The following LDB3 variants were observed in gnomAD, a reference collection of about 807,000 sequenced individuals.
LDB3 encodes the protein LIM domain binding 3.
Under a neutral mutation model 69.0 loss-of-function variants are expected in LDB3, and 49 were observed. The observed-to-expected ratio is 0.71, with a 90% CI of 0.56 to 0.90. The LOEUF (loss-of-function observed/expected upper bound fraction) is 0.90, where lower values mean the gene tolerates loss of function less well. LDB3 is among the 40% of genes least tolerant of loss of function. The pLI is 0.00. For missense variants in LDB3, 928 were observed against 974.1 expected, an observed-to-expected ratio of 0.95 and a Z score of 0.63; for synonymous variants, 387 against 396.2, an observed-to-expected ratio of 0.98 and a Z score of 0.28.
Position 86,692,591 on chromosome 10 carries a change from C to G in LDB3, c.896+20C>G, listed in dbSNP as rs773021816. 1 of 1,612,816 alleles carries G rather than the reference C, an allele frequency of 6.2e-7. No homozygotes were observed. The highest frequency in any genetic ancestry group is 1.1e-5 in the South Asian group (1 of 91,060). On this transcript the variant is annotated intron_variant, in intron 7 of 13. Coordinates refer to ENST00000361373, the MANE Select transcript of LDB3 (RefSeq NM_007078.3). ...GTCAAGGTAAGTGCCTGGACTCAGG[C>G]TCTGTGGCCTTGCCCTCTAGCCCCG...
chr10:86,726,289 G>T lies in LDB3; in HGVS notation c.2094+37G>T, dbSNP rs1181077200. ...GCTTGGGGCTCTGGCTTTCTGAGAA[G>T]AGGCAGGAGGGAGGAAGTGGGAGCC... is the stretch of plus-strand genomic sequence containing the variant. On this transcript the variant is annotated intron_variant, in intron 13 of 13. Coordinates refer to ENST00000361373, the MANE Select transcript of LDB3 (RefSeq NM_007078.3). The T allele has an allele frequency of 3.2e-6, 5 of 1,558,368 alleles. No individual in the cohort carries two copies. The Admixed American group carries it at 5.0e-5, about 16-fold the overall frequency.
At position 86,697,215 on chromosome 10, in the gene LDB3, CTTTTTTTT is replaced by C. The variant is rs34215720; in HGVS notation, c.896+4661_896+4668del. Among the ~76,000 whole-genome samples the C allele has an allele frequency of 6.4e-5, 5 of 77,804 alleles. No individual in the cohort carries two copies. In the East Asian group the frequency reaches 1.3e-3, roughly 20 times the overall value. The allele number at this position is 77,804 out of a possible 152,430, so 51.0% of individuals were successfully genotyped here. ...CTGATTTTTATATGCTAGCAATTCA[CTTTTTTTT>C]TTTTTTTTTTTTTTTTGAGACAGAG... On this transcript the variant is annotated intron_variant, in intron 7 of 13. Transcript: ENST00000361373.
chr10:86,697,215 CTTTTTTTTTT>C (rs34215720), intron 7 of LDB3, among the ~76,000 whole-genome samples: 5 of 77,782 alleles, frequency 6.4e-5, no homozygotes, highest in African/African-American at 2.6e-4. Context: ...TAGCAATTCA[CTTTTTTTTTT>C]TTTTTTTTTT....
At position 86,735,569 on chromosome 10, in the gene LDB3, C is replaced by G. The variant is rs548357744; in HGVS notation, c.*2593C>G. The stretch of plus-strand genomic sequence containing the variant: ...CCGAGGCAGGTGAATCACCTGAGGT[C>G]AGGAGTTTGAAACCAGCCTGGCCAA... On this transcript the variant is annotated 3_prime_UTR_variant, in exon 14 of 14. Transcript: ENST00000361373. The G allele has an allele frequency of 7.2e-5, 11 of 152,146 alleles. No homozygotes were observed. Among genetic ancestry groups the G allele is most frequent in the African/African-American group, 2.4e-4 (10 of 41,508 alleles). 9.4% of individuals were successfully genotyped at this position (152,146 alleles called of 1,614,324 possible).
intron 8 of LDB3, 60 bp downstream of exon 8, chr10:86,706,779 T>A: frequency 6.5e-7 from 1 of 1,532,606 alleles, no homozygotes; most frequent in South Asian, 1.2e-5. Context: ...AACGCCCCAC[T>A]CTGGGTCTAC....
chr10:86,708,870 G>A (rs1846539365), intron 8 of LDB3, among the ~76,000 whole-genome samples: 1 of 152,176 alleles, frequency 6.6e-6, no homozygotes, highest in African/African-American at 2.4e-5. Flanking sequence ...GCCCCAGAGA[G>A]GAAGGCACTC....
intron 8 of LDB3, 105 bp downstream of exon 8, chr10:86,706,824 G>A (rs779283082): frequency 2.9e-5 from 37 of 1,283,464 alleles, no homozygotes; most frequent in Admixed American, 2.4e-4. Flanking sequence ...GTTAGGGCCC[G>A]CAGGCCTAGA....
At chr10:86,704,932 T>G (rs903566568) in intron 7 of LDB3, among the ~76,000 whole-genome samples, 1 of 150,834 alleles carries the variant, frequency 6.6e-6, no homozygotes, top group Non-Finnish European at 1.5e-5. Context: ...GTCAGGCTGG[T>G]CTCGAACTCC....
rs1846451657 is a variant in LDB3, at chr10:86,706,569, C to T, written c.935C>T (p.Ala312Val). 1 of 1,613,104 alleles carries T rather than the reference C, an allele frequency of 6.2e-7. No homozygotes were observed. The highest frequency in any genetic ancestry group is 1.1e-5 in the South Asian group (1 of 91,082). Residue 312 changes from alanine (A) to valine (V), a missense_variant, in exon 8 of 14, where the codon GCC becomes GTC. By Grantham distance (64) the Ala-to-Val change is moderately conservative. Coordinates refer to ENST00000361373, the MANE Select transcript of LDB3 (RefSeq NM_007078.3). Reference sequence around the variant, plus strand: ...CATGCGCCGGTGTGCACCAGCCAGGCCACCACCCCGCTGCTGCCCGCTTCT... The same window carrying T: ...CATGCGCCGGTGTGCACCAGCCAGGTCACCACCCCGCTGCTGCCCGCTTCT... Reference protein sequence around the residue: ...IEHAPVCTSQATTPLLPASAQ... With the variant: ...IEHAPVCTSQVTTPLLPASAQ...
intron 2 of LDB3, among the ~76,000 whole-genome samples, chr10:86,670,029 C>CG (rs1844373067): frequency 3.3e-5 from 3 of 92,286 alleles, no homozygotes; most frequent in African/African-American, 1.7e-4. Context: ...GAGGAGTAAT[C>CG]TTTTTTTTGT....
intron 5 of LDB3, among the ~76,000 whole-genome samples, chr10:86,682,082 T>A (rs1845185056): frequency 6.6e-6 from 1 of 152,208 alleles, no homozygotes; most frequent in Admixed American, 6.5e-5. Flanking sequence ...AGCTACCATG[T>A]GGCCGAGCCA....
chr10:86,725,157 T>A (rs1436576805), intron 12 of LDB3, among the ~76,000 whole-genome samples: 1 of 152,202 alleles, frequency 6.6e-6, no homozygotes, highest in Non-Finnish European at 1.5e-5. Flanking sequence ...GTAAACGGGA[T>A]GGAGCTTTTC....
At chr10:86,719,031 T>C (rs932895722) in intron 12 of LDB3, among the ~76,000 whole-genome samples, 184 bp downstream of exon 12, 18 of 152,186 alleles carry the variant, frequency 1.2e-4, no homozygotes, top group Non-Finnish European at 2.9e-5. Flanking sequence ...GGAAGTTAAC[T>C]ATCTCCCCTG....
At chr10:86,692,416 G>C (rs1315218225) in intron 6 of LDB3, 119 bp from the exon 7 acceptor site, 1 of 1,020,120 alleles carries the variant, frequency 9.8e-7, no homozygotes, top group Non-Finnish European at 1.6e-6. Context: ...GGACAGGCAA[G>C]GGGGCAGTCA....
Position 86,688,452 on chromosome 10 carries a change from C to A in LDB3, c.690-3444C>A, listed in dbSNP as rs544268655. On this transcript the variant is annotated intron_variant, in intron 5 of 13. Transcript: ENST00000361373. ...TCTGGGCTCTGCTGGAACTGAGGAGCCTGGGGCCCTTTTGGAGATGCAGTA... is the reference window on the plus strand; with the variant it reads ...TCTGGGCTCTGCTGGAACTGAGGAGACTGGGGCCCTTTTGGAGATGCAGTA... Among the ~76,000 whole-genome samples, 430 of 152,230 alleles carry A rather than the reference C, an allele frequency of 2.8e-3. 5 individuals are homozygous for A. Among genetic ancestry groups the A allele is most frequent in the African/African-American group, 0.01 (421 of 41,538 alleles).
chr10:86,688,082 T>TGTGTGG, intron 5 of LDB3, among the ~76,000 whole-genome samples: 1 of 143,846 alleles, frequency 7.0e-6, no homozygotes, highest in South Asian at 2.3e-4. Flanking sequence ...TGTGTGTGTG[T>TGTGTGG]GTATGTGTCT....
chr10:86,668,596 G>A, intron 1 of LDB3, 26 bp downstream of exon 1: 1 of 971,456 alleles, frequency 1.0e-6, no homozygotes, highest in East Asian at 2.4e-5. Context: ...AGGGGCAGGG[G>A]CAGAGGTGTG....
Position 86,706,808 on chromosome 10 carries a change from A to G in LDB3, c.1085+89A>G, listed in dbSNP as rs534547368. The G allele has an allele frequency of 2.2e-5, 31 of 1,429,010 alleles. No individual in the cohort carries two copies. In the East Asian group the frequency reaches 7.7e-4, roughly 36 times the overall value. The allele number at this position is 1,429,010 out of a possible 1,614,324, so 88.5% of individuals were successfully genotyped here. Reference sequence around the variant, plus strand: ...GGTCTACCTGTGGCCAGCTGTGTCCAAGGTAGTTAGGGCCCGCAGGCCTAG... The same window carrying G: ...GGTCTACCTGTGGCCAGCTGTGTCCGAGGTAGTTAGGGCCCGCAGGCCTAG... On this transcript the variant is annotated intron_variant, in intron 8 of 13. Coordinates refer to ENST00000361373, the MANE Select transcript of LDB3 (RefSeq NM_007078.3).
chr10:86,722,559 CTTT>C (rs1181539611), intron 12 of LDB3, among the ~76,000 whole-genome samples: 7 of 55,226 alleles, frequency 1.3e-4, no homozygotes, highest in Non-Finnish European at 3.3e-5. Context: ...CGTGCCTGGC[CTTT>C]TTTTTTTTTT....
Sources: allele counts gnomAD v4.1 joint callset (sites outside exome capture counted in the v4.1 genomes callset), GRCh38; gene constraint gnomAD v4.1.1; transcripts MANE v1.5; gene names NCBI Gene and HGNC (gene_info 2026-07-23, HGNC 2026-07-21).